STX3: variants seen among roughly 807,000 people sequenced by gnomAD.
STX3 encodes the protein syntaxin-3.
A neutral mutation model predicts 40.2 loss-of-function variants in STX3; 19 were observed. The observed-to-expected ratio is 0.47, with a 90% CI of 0.33 to 0.69. STX3 has a LOEUF of 0.69. Ranked by LOEUF, STX3 falls within the 30% of genes least tolerant of loss-of-function variation. STX3 has a pLI of 0.02. For synonymous variants in STX3, 122 were observed against 132.2 expected, an observed-to-expected ratio of 0.92 and a Z score of 0.53; for missense variants, 364 against 366.7, an observed-to-expected ratio of 0.99 and a Z score of 0.06.
At chr11:59,765,027 T>A (rs1036849089) in intron 1 of STX3, among the ~76,000 whole-genome samples, 2 of 152,088 alleles carry the variant, frequency 1.3e-5, no homozygotes, top group Non-Finnish European at 2.9e-5. Flanking sequence ...TTCTGCAGTG[T>A]CTTCATCTTT....
chr11:59,763,437 A>T (rs902290723), intron 1 of STX3, among the ~76,000 whole-genome samples: 2 of 152,224 alleles, frequency 1.3e-5, no homozygotes, highest in African/African-American at 2.4e-5. Flanking sequence ...AGCAGGTAGG[A>T]TGGCATGTGA....
chr11:59,803,124 C>G lies in STX3; in HGVS notation c.*2300C>G. ...CTTCTGTTGCTCTCTTCCTTCACACCCTCTTCCATGTCCACATGCACTTAT... is the reference window on the plus strand; with the variant it reads ...CTTCTGTTGCTCTCTTCCTTCACACGCTCTTCCATGTCCACATGCACTTAT... On this transcript the variant is annotated 3_prime_UTR_variant, in exon 11 of 11. Coordinates refer to ENST00000337979, the MANE Select transcript of STX3 (RefSeq NM_004177.5). 8.1e-7 allele frequency: 1 copy of G among 1,229,990 alleles called. No individual in the cohort carries two copies. Among genetic ancestry groups the G allele is most frequent in the Middle Eastern group, 3.1e-4 (1 of 3,198 alleles). 76.2% of individuals were successfully genotyped at this position (1,229,990 alleles called of 1,614,324 possible). A position where few individuals can be genotyped will look rare whatever the true frequency, so the allele number is the denominator to read the frequency against.
In STX3 at chr11:59,770,167, G is replaced by A. The variant is rs555561033; in HGVS notation, c.31-3044G>A. Among the ~76,000 whole-genome samples, 159 of 149,904 alleles carry A rather than the reference G, an allele frequency of 1.1e-3. 1 individual carries two copies. The highest frequency in any genetic ancestry group is 3.7e-3 in the African/African-American group (152 of 40,758). ...ATGTGTGTATAGGGTGTGCGTGTAAGGGGTGTGTGTGTGTGCTGTATGTGT... is the reference window on the plus strand; with the variant it reads ...ATGTGTGTATAGGGTGTGCGTGTAAAGGGTGTGTGTGTGTGCTGTATGTGT... On this transcript the variant is annotated intron_variant, in intron 1 of 10. Transcript: ENST00000337979.
intron 2 of STX3, among the ~76,000 whole-genome samples, chr11:59,786,511 A>T (rs1346339899): frequency 6.6e-6 from 1 of 151,324 alleles, no homozygotes; most frequent in Non-Finnish European, 1.5e-5. Flanking sequence ...CGGCCTCCCA[A>T]AGTGCTGGGA....
At chr11:59,795,788 G>A in intron 9 of STX3, 1 of 1,303,802 alleles carries the variant, frequency 7.7e-7, no homozygotes. Context: ...ACCCCTACCT[G>A]TGTTCTTGAG....
chr11:59,768,864 A>G (rs894014550), intron 1 of STX3, among the ~76,000 whole-genome samples: 1 of 152,186 alleles, frequency 6.6e-6, no homozygotes, highest in African/African-American at 2.4e-5. Flanking sequence ...TTACTATTTT[A>G]TAGATGAGGA....
In STX3 at chr11:59,802,048, C is replaced by T; in HGVS notation, c.*1224C>T. On this transcript the variant is annotated 3_prime_UTR_variant, in exon 11 of 11. Coordinates refer to ENST00000337979, the MANE Select transcript of STX3 (RefSeq NM_004177.5). Reference sequence around the variant, plus strand: ...GGTATAATTTTTTGACACCCTTTCCCACCTGGTGCCTATGCTAGGCTTGTC... The same window carrying T: ...GGTATAATTTTTTGACACCCTTTCCTACCTGGTGCCTATGCTAGGCTTGTC... 1.0e-6 allele frequency: 1 copy of T among 985,410 alleles called. No individual in the cohort carries two copies. The highest frequency in any genetic ancestry group is 1.2e-6 in the Non-Finnish European group (1 of 829,938). 61.0% of individuals were successfully genotyped at this position (985,410 alleles called of 1,614,324 possible).
At chr11:59,762,498 G>A (rs529023858) in intron 1 of STX3, among the ~76,000 whole-genome samples, 1 of 152,370 alleles carries the variant, frequency 6.6e-6, no homozygotes, top group South Asian at 2.1e-4. Flanking sequence ...CATGTTGAGT[G>A]TTTAATGAAG....
At chr11:59,757,276 AG>A (rs1280014716) in intron 1 of STX3, among the ~76,000 whole-genome samples, 6 of 152,146 alleles carry the variant, frequency 3.9e-5, no homozygotes, top group Non-Finnish European at 8.8e-5. Flanking sequence ...GGGAGGCAGA[AG>A]GAAAAGAAGA....
Position 59,778,245 on chromosome 11 carries a change from A to G in STX3, c.114+4951A>G, listed in dbSNP as rs374607336. On this transcript the variant is annotated intron_variant, in intron 2 of 10. Coordinates refer to ENST00000337979, the MANE Select transcript of STX3 (RefSeq NM_004177.5). ...TTGAAACCACCAGAGTCAGAGCTCT[A>G]TTTGGCATCACCCTGTGACAGCGTT... 2.6e-5 allele frequency among the ~76,000 whole-genome samples: 4 copies of G among 152,280 alleles called. No homozygotes were observed. In the South Asian group the frequency reaches 6.2e-4, roughly 24 times the overall value.
chr11:59,800,530 AGGAGCGGTGTTGCTGTGGGACCTG>A, intron 10 of STX3: 6 of 985,400 alleles, frequency 6.1e-6, no homozygotes, highest in Non-Finnish European at 7.2e-6. Context: ...GCCTGTCTTC[AGGAGCGGTGTTGCTGTGGGACCTG>A]CAGAGCAGGT....
At chr11:59,772,974 AACACAC>A (rs3035302) in intron 1 of STX3, among the ~76,000 whole-genome samples, 85 of 140,672 alleles carry the variant, frequency 6.0e-4, no homozygotes, top group African/African-American at 1.6e-3. Context: ...CCCTGAAAGA[AACACAC>A]ACACACACAC....
intron 1 of STX3, among the ~76,000 whole-genome samples, chr11:59,756,173 C>T (rs888430133): frequency 1.3e-5 from 2 of 152,096 alleles, no homozygotes; most frequent in African/African-American, 2.4e-5. Flanking sequence ...GTCCCCCCCT[C>T]CCCCGCCGTA....
intron 1 of STX3, among the ~76,000 whole-genome samples, chr11:59,764,599 T>C (rs505431): frequency 0.89 from 135,728 of 152,166 alleles, 60,806 homozygotes; most frequent in East Asian, 1. Flanking sequence ...ATGGATGTTG[T>C]GGTATCCCCT....
rs1251670951 is a variant in STX3 at position 59,797,403 on chromosome 11, A to T, written c.*30+7A>T. 2 of 1,608,498 alleles carry T rather than the reference A, an allele frequency of 1.2e-6. No homozygotes were observed. Among genetic ancestry groups the T allele is most frequent in the East Asian group, 2.2e-5 (1 of 44,850 alleles). On this transcript the variant is annotated splice_region_variant and intron_variant, in intron 10 of 10. Coordinates refer to ENST00000337979, the MANE Select transcript of STX3 (RefSeq NM_004177.5). ...GAGGCTGCTGCACTGAAATGTAAGTAAACGAGTGGTTCTTGGGGACTCTGG... is the reference window on the plus strand; with the variant it reads ...GAGGCTGCTGCACTGAAATGTAAGTTAACGAGTGGTTCTTGGGGACTCTGG...
upstream of STX3, chr11:59,755,038 A>G (rs1468915184): frequency 3.3e-5 from 5 of 152,186 alleles, no homozygotes; most frequent in Admixed American, 6.5e-5. Flanking sequence ...CCCACATCAC[A>G]TTGTCTTATT....
Position 59,801,839 on chromosome 11 carries a change from C to T in STX3, c.*1015C>T, listed in dbSNP as rs1428717479. The T allele has an allele frequency of 9.1e-6, 9 of 984,138 alleles. No homozygotes were observed. Among genetic ancestry groups the T allele is most frequent in the African/African-American group, 1.8e-5 (1 of 56,868 alleles). The allele number at this position is 984,138 out of a possible 1,614,324, so 61.0% of individuals were successfully genotyped here. On this transcript the variant is annotated 3_prime_UTR_variant, in exon 11 of 11. Coordinates refer to ENST00000337979, the MANE Select transcript of STX3 (RefSeq NM_004177.5). ...TATGACCTCAAAAAAAAAAAGCCAA[C>T]TTTGAGCTAGGATAAAAATTGGGTA...
rs563495269 is a variant in STX3, at chr11:59,755,376, G to A, written c.-230G>A. 38 of 353,564 alleles carry A rather than the reference G, an allele frequency of 1.1e-4. No homozygotes were observed. Among genetic ancestry groups the A allele is most frequent in the Non-Finnish European group, 1.7e-4 (34 of 203,480 alleles). The allele number at this position is 353,564 out of a possible 1,614,324, so 21.9% of individuals were successfully genotyped here. ...CTGCGCCGGCGCCGGCCCGGGAGCC[G>A]GATTTGGAGCGCGAGGCGCCGGTGG... On this transcript the variant is annotated 5_prime_UTR_variant, in exon 1 of 11. Transcript: ENST00000337979.
chr11:59,767,237 C>G (rs1399975504), intron 1 of STX3, among the ~76,000 whole-genome samples: 1 of 152,094 alleles, frequency 6.6e-6, no homozygotes, highest in African/African-American at 2.4e-5. Flanking sequence ...TCAGTGTTGC[C>G]TAAGTCATTG....
Sources: allele counts gnomAD v4.1 joint callset (sites outside exome capture counted in the v4.1 genomes callset), GRCh38; gene constraint gnomAD v4.1.1; transcripts MANE v1.5; gene names NCBI Gene and HGNC (gene_info 2026-07-23, HGNC 2026-07-21).